The following RBFOX1 variants were observed in gnomAD, a reference collection of about 807,000 sequenced individuals.
The protein encoded by RBFOX1 is RNA binding protein fox-1 homolog 1.
Under a neutral mutation model 57.7 loss-of-function variants are expected in RBFOX1, and 8 were observed. That is an observed-to-expected ratio of 0.14 (90% confidence interval 0.08 to 0.25). The LOEUF (loss-of-function observed/expected upper bound fraction) is 0.25. RBFOX1 is among the 10% of genes least tolerant of loss of function. The pLI is 1.00. For missense variants in RBFOX1, 611 were observed against 548.5 expected, an observed-to-expected ratio of 1.11 and a Z score of -1.14; for synonymous variants, 326 against 222.4, an observed-to-expected ratio of 1.47 and a Z score of -4.15.
At chr16:6,907,420 A>T (rs1183157846) in intron 3 of RBFOX1, among the ~76,000 whole-genome samples, 1 of 152,144 alleles carries the variant, frequency 6.6e-6, no homozygotes, top group Non-Finnish European at 1.5e-5. Context: ...AGAACTAAAG[A>T]CTTGGTGGTT....
intron 1 of RBFOX1, among the ~76,000 whole-genome samples, chr16:6,178,313 A>C (rs922320698): frequency 6.7e-6 from 1 of 150,162 alleles, no homozygotes; most frequent in Non-Finnish European, 1.5e-5. Context: ...CAGCCTCCCA[A>C]GTAGCTGGGA....
chr16:5,866,946 T>C (rs2057356790), intron 3 of RBFOX1, among the ~76,000 whole-genome samples: 1 of 152,206 alleles, frequency 6.6e-6, no homozygotes, highest in South Asian at 2.1e-4. Flanking sequence ...AAAAAACACA[T>C]TAAAAATGTC....
chr16:7,342,727 T>A (rs1477599212), intron 4 of RBFOX1, among the ~76,000 whole-genome samples: 1 of 151,974 alleles, frequency 6.6e-6, no homozygotes, highest in Non-Finnish European at 1.5e-5. Flanking sequence ...GAGTTTGACA[T>A]CTTGGCTCAT....
At chr16:5,846,629 A>C (rs772779795) in intron 3 of RBFOX1, among the ~76,000 whole-genome samples, 6 of 152,208 alleles carry the variant, frequency 3.9e-5, no homozygotes, top group Non-Finnish European at 8.8e-5. Context: ...AAGGAACAGC[A>C]AGACCCTGCT....
intron 3 of RBFOX1, among the ~76,000 whole-genome samples, chr16:5,809,983 T>C (rs2055362770): frequency 6.6e-6 from 1 of 152,140 alleles, no homozygotes; most frequent in African/African-American, 2.4e-5. Flanking sequence ...CACCACGGAA[T>C]ACTATGCAGC....
intron 1 of RBFOX1, among the ~76,000 whole-genome samples, chr16:6,088,513 C>T (rs568091235): frequency 1.4e-5 from 2 of 143,816 alleles, no homozygotes; most frequent in South Asian, 4.6e-4. Flanking sequence ...TCCTTCCTCC[C>T]CCTTCCCTTT....
chr16:6,712,944 G>A (rs1337485121), intron 3 of RBFOX1, among the ~76,000 whole-genome samples: 1 of 125,618 alleles, frequency 8.0e-6, no homozygotes, highest in Non-Finnish European at 1.7e-5. Context: ...TAACTCTCAT[G>A]GGATCTGATG....
chr16:7,612,096 T>C (rs2057588269), intron 10 of RBFOX1, among the ~76,000 whole-genome samples: 1 of 151,402 alleles, frequency 6.6e-6, no homozygotes, highest in African/African-American at 2.4e-5. Flanking sequence ...CCGAGGCAGG[T>C]GGATCACGAG....
rs752367368 is a variant in RBFOX1, at chr16:7,579,867, G to A, written c.361G>A (p.Val121Ile). 1.2e-6 allele frequency: 2 copies of A among 1,613,996 alleles called. No individual in the cohort carries two copies. Among genetic ancestry groups the A allele is most frequent in the African/African-American group, 2.7e-5 (2 of 74,926 alleles). The change falls in exon 6 of 16, where the codon GTC becomes ATC. Residue 121 changes from valine to isoleucine, a missense_variant. Around this residue, in one of 3 missense-constraint regions of RBFOX1, gnomAD observed 99 missense variants for 160.3 expected, o/e 0.62. Transcript: ENST00000550418. ...ENKSQPKRLH[V>I]SNIPFRFRDP... ...CAAGTCTCAGCCCAAGCGGCTGCAT[G>A]TCTCCAATATCCCCTTCAGGTTCCG... is the stretch of plus-strand genomic sequence containing the variant.
At chr16:6,418,275 G>C (rs562147158) in intron 2 of RBFOX1, among the ~76,000 whole-genome samples, 1 of 152,282 alleles carries the variant, frequency 6.6e-6, no homozygotes, top group South Asian at 2.1e-4. Context: ...ATAAATCTAG[G>C]AGGTGTGTCC....
At chr16:5,438,660 C>A (rs1040606786) in intron 1 of RBFOX1, among the ~76,000 whole-genome samples, 2 of 152,140 alleles carry the variant, frequency 1.3e-5, no homozygotes, top group Non-Finnish European at 2.9e-5. Context: ...AAATCAATTG[C>A]ACCCTCTTAT....
chr16:5,320,011 A>G (rs971454432), intron 1 of RBFOX1, among the ~76,000 whole-genome samples: 1 of 152,174 alleles, frequency 6.6e-6, no homozygotes, highest in East Asian at 1.9e-4. Flanking sequence ...CCTTACTACA[A>G]GGGAGGCTGG....
intron 2 of RBFOX1, among the ~76,000 whole-genome samples, chr16:6,548,410 T>C (rs1274028851): frequency 6.6e-6 from 1 of 152,168 alleles, no homozygotes; most frequent in Non-Finnish European, 1.5e-5. Flanking sequence ...TTGGGCTTTT[T>C]AGGTTTTGTT....
intron 4 of RBFOX1, among the ~76,000 whole-genome samples, chr16:5,875,787 A>T (rs1364547060): frequency 6.6e-6 from 1 of 151,716 alleles, no homozygotes; most frequent in Non-Finnish European, 1.5e-5. Flanking sequence ...CTACTTCTTT[A>T]TTTGAAAAAC....
intron 1 of RBFOX1, among the ~76,000 whole-genome samples, chr16:6,239,812 A>T (rs1228909781): frequency 6.6e-6 from 1 of 151,992 alleles, no homozygotes; most frequent in Non-Finnish European, 1.5e-5. Flanking sequence ...CTGACTGTTA[A>T]AACATTTTCT....
chr16:6,952,584 G>T (rs764679571), intron 3 of RBFOX1, among the ~76,000 whole-genome samples: 19 of 152,018 alleles, frequency 1.2e-4, no homozygotes, highest in Non-Finnish European at 2.5e-4. Flanking sequence ...GCTGCAGTGA[G>T]CCATGATCAT....
At chr16:5,692,477 C>T (rs2050718388) in intron 3 of RBFOX1, among the ~76,000 whole-genome samples, 1 of 152,154 alleles carries the variant, frequency 6.6e-6, no homozygotes, top group South Asian at 2.1e-4. Context: ...TGTATTACAG[C>T]TCCAAAGAGC....
intron 5 of RBFOX1, among the ~76,000 whole-genome samples, chr16:7,520,108 A>G (rs866765467): frequency 1.3e-5 from 2 of 151,956 alleles, no homozygotes; most frequent in South Asian, 2.1e-4. Flanking sequence ...GATGATCTCA[A>G]TCTCCTGACC....
chr16:5,409,314 T>G (rs2066950651), intron 1 of RBFOX1, among the ~76,000 whole-genome samples: 1 of 152,172 alleles, frequency 6.6e-6, no homozygotes, highest in Non-Finnish European at 1.5e-5. Flanking sequence ...GTGTGTCCAC[T>G]CCTAGAGCTC....
Sources: allele counts gnomAD v4.1 joint callset (sites outside exome capture counted in the v4.1 genomes callset), GRCh38; gene constraint gnomAD v4.1.1; regional missense constraint gnomAD v4.1.1; transcripts MANE v1.5; gene names NCBI Gene and HGNC (gene_info 2026-07-23, HGNC 2026-07-21).